Variants in SLC5A9 observed in about 807,000 individuals in gnomAD.
The protein encoded by SLC5A9 is sodium/glucose cotransporter 4.
SLC5A9 carries 59 observed loss-of-function variants against 70.9 expected under a neutral mutation model. That is an observed-to-expected ratio of 0.83 (90% CI 0.68 to 1.03). The LOEUF (loss-of-function observed/expected upper bound fraction) is 1.03, where lower values mean the gene tolerates loss of function less well. Among genes scored for constraint, SLC5A9 ranks in the 50% least tolerant of loss-of-function variants. SLC5A9 has a pLI of 0.00. For missense variants in SLC5A9, 832 were observed against 881.1 expected (o/e 0.94, Z 0.71); for synonymous variants, 340 against 346.5 (o/e 0.98, Z 0.21).
In SLC5A9 at chr1:48,228,909, G is replaced by A; in HGVS notation, c.294G>A (p.Gly98=). The A allele has an allele frequency of 3.1e-6, 5 of 1,613,684 alleles. No homozygotes were observed. Among genetic ancestry groups the A allele is most frequent in the Non-Finnish European group, 4.2e-6 (5 of 1,180,010 alleles). ...GTGGCTTGTTCATCGGCCTGGCTGG[G>A]ACAGGGGCTGCCGGAGGCCTTGCCG... ...VGSGLFIGLA[G]TGAAGGLAVG... is the part of the protein sequence containing the mutation. Residue 98 remains glycine, a synonymous_variant, in exon 3 of 14, where the codon GGG becomes GGA. Coordinates refer to ENST00000438567, the MANE Select transcript of SLC5A9 (RefSeq NM_001011547.3).
chr1:48,244,878 G>GTATATA (rs756117312), intron 13 of SLC5A9, among the ~76,000 whole-genome samples: 2,620 of 29,470 alleles, frequency 0.089, 836 homozygotes, highest in South Asian at 0.17. Flanking sequence ...ATGTGTATGT[G>GTATATA]TATATATATA....
Position 48,239,549 on chromosome 1 carries a change from G to A in SLC5A9, c.1677+12G>A. Reference sequence around the variant, plus strand: ...TCCCTGAGGAACAGGCAAGTGTTGTGCTCATACTGAGGCCCTCCAGAAATG... The same window carrying A: ...TCCCTGAGGAACAGGCAAGTGTTGTACTCATACTGAGGCCCTCCAGAAATG... On this transcript the variant is annotated intron_variant, in intron 12 of 13. Coordinates refer to ENST00000438567, the MANE Select transcript of SLC5A9 (RefSeq NM_001011547.3). The surrounding 1 kb of genome is among the most constrained non-coding windows in gnomAD (Gnocchi z 4.2). 1.9e-6 allele frequency: 3 copies of A among 1,612,556 alleles called. No homozygotes were observed. The highest frequency in any genetic ancestry group is 2.5e-6 in the Non-Finnish European group (3 of 1,178,602).
At chr1:48,232,753 T>C (rs565537290) in intron 8 of SLC5A9, among the ~76,000 whole-genome samples, 53 of 151,362 alleles carry the variant, frequency 3.5e-4, no homozygotes, top group African/African-American at 1.3e-3. Flanking sequence ...CCCACTGCAT[T>C]CCAGTTTGGG....
rs1310946013 is a variant in SLC5A9, at chr1:48,227,165, G to GTC, written c.235-1685_235-1684insTC. Among the ~76,000 whole-genome samples the GTC allele has an allele frequency of 0.018, 2,161 of 121,422 alleles. 124 individuals are homozygous for GTC. In the East Asian group the frequency reaches 0.22, roughly 12 times the overall value. The allele number at this position is 121,422 out of a possible 152,430, so 79.7% of individuals were successfully genotyped here. A position where few individuals can be genotyped will look rare whatever the true frequency, so the allele number is the denominator to read the frequency against. ...TGCAAGTGCATGAGTGTGTGTGTCA[G>GTC]AGTGTGTGTGCGTGTGTGTGTGTAC... On this transcript the variant is annotated intron_variant, in intron 2 of 13. Transcript: ENST00000438567.
Position 48,232,395 on chromosome 1 carries a change from A to C in SLC5A9, c.926A>C (p.Lys309Thr). ...ATTGTGCAGCGGTCTCTCTCGGCCA[A>C]GAGTCTGTCTCATGCCAAGGGAGGC... Reference protein sequence around the residue: ...QVIVQRSLSAKSLSHAKGGSV... With the variant: ...QVIVQRSLSATSLSHAKGGSV... The change falls in exon 8 of 14, where the codon AAG (lysine) becomes ACG (threonine). Residue 309 changes from lysine (K) to threonine (T), a missense_variant. Lys to Thr is a moderately conservative substitution (Grantham distance 78). Coordinates refer to ENST00000438567, the MANE Select transcript of SLC5A9 (RefSeq NM_001011547.3). 1 of 1,614,168 alleles carries C rather than the reference A, an allele frequency of 6.2e-7. No homozygotes were observed. The highest frequency in any genetic ancestry group is 8.5e-7 in the Non-Finnish European group (1 of 1,180,026).
chr1:48,231,980 G>C lies in SLC5A9; in HGVS notation c.726G>C (p.Glu242Asp). 2 of 1,614,162 alleles carry C rather than the reference G, an allele frequency of 1.2e-6. No homozygotes were observed. Among genetic ancestry groups the C allele is most frequent in the Non-Finnish European group, 1.7e-6 (2 of 1,180,034 alleles). Residue 242 changes from glutamate to aspartate, a missense_variant, in exon 7 of 14, where the codon GAG (glutamate) becomes GAC (aspartate). By Grantham distance (45) the Glu-to-Asp change is conservative. Coordinates refer to ENST00000438567, the MANE Select transcript of SLC5A9 (RefSeq NM_001011547.3). ...ACGTGGGCTGGTACCCAGGCCTGGA[G>C]CAGCGGTACAGGCAGGCCATCCCTA... ...FQDVGWYPGL[E>D]QRYRQAIPNV...
At chr1:48,246,529 A>AACTT (rs1312926059) in intron 13 of SLC5A9, among the ~76,000 whole-genome samples, 7 of 152,166 alleles carry the variant, frequency 4.6e-5, no homozygotes, top group East Asian at 1.9e-4. Context: ...ATTTTTAAAA[A>AACTT]ACTTAAAAAT....
chr1:48,241,859 C>T (rs1644395205), intron 12 of SLC5A9: 1 of 450,936 alleles, frequency 2.2e-6, no homozygotes, highest in South Asian at 1.6e-5. Context: ...ACCCTGGAGC[C>T]ATATTAGCCT....
chr1:48,233,218 G>A (rs1031064838), intron 8 of SLC5A9, among the ~76,000 whole-genome samples: 7 of 151,684 alleles, frequency 4.6e-5, no homozygotes, highest in African/African-American at 7.3e-5. Flanking sequence ...AAAATTAGCC[G>A]GGCGTGATGG....
chr1:48,233,543 T>A, intron 8 of SLC5A9, 112 bp from the exon 9 acceptor site: 1 of 776,244 alleles, frequency 1.3e-6, no homozygotes, highest in Non-Finnish European at 2.2e-6. Context: ...TAGACATGGG[T>A]CCCTGTCAGA....
chr1:48,245,637 A>G (rs1210395369), intron 13 of SLC5A9, among the ~76,000 whole-genome samples: 3 of 152,174 alleles, frequency 2.0e-5, no homozygotes, highest in Non-Finnish European at 4.4e-5. Flanking sequence ...TAGGCATAGT[A>G]TAATGTTGAG....
intron 4 of SLC5A9, among the ~76,000 whole-genome samples, chr1:48,230,173 T>C (rs1644227147): frequency 6.6e-6 from 1 of 152,228 alleles, no homozygotes; most frequent in African/African-American, 2.4e-5. Flanking sequence ...TCCTGCCGCA[T>C]TGGGTCAGCC....
In SLC5A9 at chr1:48,229,288, C is replaced by T. The variant is rs1644211620; in HGVS notation, c.340-7C>T. ...TGGATACCTTCTTCTTCTCCCCACT[C>T]TCCCAGGCAACCTGGCTGCTCCTGG... On this transcript the variant is annotated splice_region_variant and splice_polypyrimidine_tract_variant and intron_variant, in intron 3 of 13. Transcript: ENST00000438567. 1 of 1,614,184 alleles carries T rather than the reference C, an allele frequency of 6.2e-7. No individual in the cohort carries two copies. Among genetic ancestry groups the T allele is most frequent in the Non-Finnish European group, 8.5e-7 (1 of 1,180,022 alleles).
chr1:48,237,648 G>A (rs375013446), intron 10 of SLC5A9, 31 bp from the exon 11 acceptor site: 2 of 1,608,324 alleles, frequency 1.2e-6, no homozygotes, highest in South Asian at 2.2e-5. Flanking sequence ...CCACCCGAGT[G>A]TGCCTCAGTG....
At chr1:48,232,596 G>A (rs549130810) in intron 8 of SLC5A9, 94 bp downstream of exon 8, 2 of 1,525,828 alleles carry the variant, frequency 1.3e-6, no homozygotes, top group East Asian at 2.3e-5. Context: ...TGTTAGGCCA[G>A]AGCAGGGGTT....
chr1:48,229,238 C>T (rs564754404), intron 3 of SLC5A9, 57 bp from the exon 4 acceptor site: 18 of 1,613,938 alleles, frequency 1.1e-5, no homozygotes, highest in Admixed American at 5.0e-5. Context: ...GGTGGGAAGC[C>T]GCCCCTCTGT....
At position 48,239,420 on chromosome 1, in the gene SLC5A9, G is replaced by A. The variant is rs1160089186; in HGVS notation, c.1560G>A (p.Arg520=). ...YPAPACGEVD[R]RPAVLKDFHY... ...CGCCAGCCTGTGGGGAGGTGGACCG[G>A]AGGCCAGCAGTGCTGAAGGACTTCC... The change falls in exon 12 of 14, where the codon CGG becomes CGA. Residue 520 remains arginine (R), a synonymous_variant. Coordinates refer to ENST00000438567, the MANE Select transcript of SLC5A9 (RefSeq NM_001011547.3). This position sits in a 1 kb window ranked among gnomAD's most constrained non-coding sequence, Gnocchi z 4.2. The A allele has an allele frequency of 8.1e-6, 13 of 1,614,212 alleles. No individual in the cohort carries two copies. The highest frequency in any genetic ancestry group is 3.3e-4 in the Middle Eastern group (2 of 6,062).
chr1:48,230,956 A>G (rs1377872083), intron 5 of SLC5A9, among the ~76,000 whole-genome samples: 1 of 152,132 alleles, frequency 6.6e-6, no homozygotes, highest in East Asian at 1.9e-4. Flanking sequence ...GGGAGGAGGA[A>G]CAGGTCAGGC....
At chr1:48,247,294 C>G in intron 13 of SLC5A9, 41 bp from the exon 14 acceptor site, 3 of 1,588,382 alleles carry the variant, frequency 1.9e-6, no homozygotes, top group Non-Finnish European at 2.6e-6. Context: ...CTTTGCCTCT[C>G]CCCTCCTGCT....
Sources: allele counts gnomAD v4.1 joint callset (sites outside exome capture counted in the v4.1 genomes callset), GRCh38; gene constraint gnomAD v4.1.1; non-coding constraint Gnocchi (gnomAD v3.1); transcripts MANE v1.5; gene names NCBI Gene and HGNC (gene_info 2026-07-23, HGNC 2026-07-21).